SLC39A11: variants seen among roughly 807,000 people sequenced by gnomAD.
The protein encoded by SLC39A11 is zinc transporter ZIP11.
A neutral mutation model predicts 36.1 loss-of-function variants in SLC39A11; 33 were observed. The observed-to-expected ratio is 0.91, with a 90% CI of 0.69 to 1.22. The LOEUF is 1.22. Among genes scored for constraint, SLC39A11 ranks in the 50% most tolerant of loss-of-function variants. The pLI is 0.00. For synonymous variants in SLC39A11, 166 were observed against 170.3 expected, an observed-to-expected ratio of 0.97 and a Z score of 0.20; for missense variants, 432 against 430.3, an observed-to-expected ratio of 1.00 and a Z score of -0.03.
chr17:72,788,869 G>C (rs921279845), intron 6 of SLC39A11, among the ~76,000 whole-genome samples: 2 of 152,244 alleles, frequency 1.3e-5, no homozygotes, highest in African/African-American at 4.8e-5. Flanking sequence ...GTGACTGTCA[G>C]AAACCATGCA....
At chr17:72,923,722 AAT>A in intron 5 of SLC39A11, among the ~76,000 whole-genome samples, 1 of 152,332 alleles carries the variant, frequency 6.6e-6, no homozygotes, top group Admixed American at 6.5e-5. Flanking sequence ...GAAGTACTAC[AAT>A]AAAGAGACGA....
chr17:72,796,984 G>C (rs1181568748), intron 6 of SLC39A11, among the ~76,000 whole-genome samples: 1 of 152,152 alleles, frequency 6.6e-6, no homozygotes, highest in Non-Finnish European at 1.5e-5. Flanking sequence ...GAAGGGAGCT[G>C]TCCCTAGGAT....
At chr17:72,677,068 A>C (rs1302256111) in intron 7 of SLC39A11, among the ~76,000 whole-genome samples, 1 of 152,180 alleles carries the variant, frequency 6.6e-6, no homozygotes, top group Non-Finnish European at 1.5e-5. Context: ...TCCTTGTAAA[A>C]TCACCAAACC....
At chr17:72,773,396 T>G (rs1204467404) in intron 6 of SLC39A11, among the ~76,000 whole-genome samples, 1 of 152,204 alleles carries the variant, frequency 6.6e-6, no homozygotes, top group Non-Finnish European at 1.5e-5. Context: ...CATCCAGTTC[T>G]CATGGTAGTG....
At chr17:72,959,307 A>ATGTGTGTG (rs1209512668) in intron 4 of SLC39A11, among the ~76,000 whole-genome samples, 8 of 116,550 alleles carry the variant, frequency 6.9e-5, no homozygotes, top group African/African-American at 2.9e-4. Flanking sequence ...AAACTGGTGT[A>ATGTGTGTG]TGTATGTGTG....
intron 6 of SLC39A11, among the ~76,000 whole-genome samples, chr17:72,811,519 C>T (rs1598834757): frequency 6.6e-6 from 1 of 152,164 alleles, no homozygotes; most frequent in African/African-American, 2.4e-5. Context: ...AGAGGCTGGG[C>T]ATCTTTGCCT....
chr17:72,974,603 G>A (rs1413088740), intron 4 of SLC39A11, among the ~76,000 whole-genome samples: 2 of 152,114 alleles, frequency 1.3e-5, no homozygotes. Flanking sequence ...AAGCTGATAA[G>A]GTAAAAATGT....
At chr17:73,067,720 T>C in intron 3 of SLC39A11, 1 of 698,874 alleles carries the variant, frequency 1.4e-6, no homozygotes, top group East Asian at 2.7e-5. Flanking sequence ...ATTCATGCTA[T>C]GGATGTTTTC....
chr17:72,981,485 T>A (rs765761013), intron 4 of SLC39A11, among the ~76,000 whole-genome samples: 7 of 151,656 alleles, frequency 4.6e-5, no homozygotes, highest in Non-Finnish European at 8.8e-5. Flanking sequence ...CATCTGGAAA[T>A]ACATACATTT....
At position 73,043,794 on chromosome 17, in the gene SLC39A11, A is replaced by C. The variant is rs1382537682; in HGVS notation, c.148-12080T>G. Among the ~76,000 whole-genome samples, 5 of 152,192 alleles carry C rather than the reference A, an allele frequency of 3.3e-5. No homozygotes were observed. The South Asian group carries it at 8.3e-4, about 25-fold the overall frequency. On this transcript the variant is annotated intron_variant, in intron 3 of 9. Transcript: ENST00000255559. Reference sequence around the variant, plus strand: ...ATGTCTGTTCAATATCAAGTCAGTCAATCAGAAACCCATGATGAGCGGCCA... The same window carrying C: ...ATGTCTGTTCAATATCAAGTCAGTCCATCAGAAACCCATGATGAGCGGCCA...
intron 5 of SLC39A11, among the ~76,000 whole-genome samples, chr17:72,862,683 T>C (rs959394017): frequency 2.6e-5 from 4 of 152,080 alleles, no homozygotes; most frequent in African/African-American, 7.2e-5. Context: ...AAATGAAGGT[T>C]TGAGAAATAC....
intron 7 of SLC39A11, among the ~76,000 whole-genome samples, chr17:72,724,469 A>G (rs1297135386): frequency 6.6e-6 from 1 of 152,132 alleles, no homozygotes; most frequent in African/African-American, 2.4e-5. Flanking sequence ...TGAGCTTCAG[A>G]GGGGAAGCTG....
At chr17:72,891,957 C>T (rs1200258273) in intron 5 of SLC39A11, among the ~76,000 whole-genome samples, 1 of 152,142 alleles carries the variant, frequency 6.6e-6, no homozygotes, top group Non-Finnish European at 1.5e-5. Context: ...GGGCCTAGCA[C>T]AGTGTCCAGC....
At chr17:72,733,702 ACAGTGT>A (rs1391974930) in intron 7 of SLC39A11, among the ~76,000 whole-genome samples, 1 of 152,108 alleles carries the variant, frequency 6.6e-6, no homozygotes, top group Non-Finnish European at 1.5e-5. Flanking sequence ...TCATCATCTT[ACAGTGT>A]CAGTGCCTTT....
intron 4 of SLC39A11, among the ~76,000 whole-genome samples, chr17:72,966,040 A>G (rs1442227566): frequency 6.6e-6 from 1 of 152,224 alleles, no homozygotes; most frequent in Non-Finnish European, 1.5e-5. Flanking sequence ...AAGTCGTAGC[A>G]CACCTTGAGG....
At chr17:73,046,919 C>T (rs1385571400) in intron 3 of SLC39A11, among the ~76,000 whole-genome samples, 1 of 151,772 alleles carries the variant, frequency 6.6e-6, no homozygotes, top group African/African-American at 2.4e-5. Context: ...CCAGCCTGAG[C>T]AACAGAGTGT....
At chr17:72,773,679 C>A (rs2435976) in intron 6 of SLC39A11, among the ~76,000 whole-genome samples, 10,228 of 145,752 alleles carry the variant, frequency 0.07, 1,147 homozygotes, top group African/African-American at 0.24. Flanking sequence ...ACACACACAC[C>A]CAGTATATAA....
At chr17:72,991,848 G>A (rs1358962266) in intron 4 of SLC39A11, among the ~76,000 whole-genome samples, 4 of 152,134 alleles carry the variant, frequency 2.6e-5, no homozygotes, top group Non-Finnish European at 5.9e-5. Context: ...TGAAGAACAT[G>A]TATCTAAAAC....
At chr17:72,991,948 T>G (rs1304594582) in intron 4 of SLC39A11, among the ~76,000 whole-genome samples, 1 of 152,220 alleles carries the variant, frequency 6.6e-6, no homozygotes, top group Non-Finnish European at 1.5e-5. Context: ...CAATTTGCAC[T>G]CCCATCAACA....
Sources: gnomAD v4.1 joint callset for allele counts (sites outside exome capture counted in the v4.1 genomes callset) on GRCh38, gnomAD v4.1.1 for gene constraint, MANE v1.5 for transcripts, NCBI Gene and HGNC (gene_info 2026-07-23, HGNC 2026-07-21) for gene names.